The following ZNF521 variants were observed in gnomAD, a reference collection of about 807,000 sequenced individuals.
ZNF521 encodes the protein LYST-interacting protein 3.
Under a neutral mutation model 105.5 loss-of-function variants are expected in ZNF521, and 14 were observed. That is an observed-to-expected ratio of 0.13 (90% CI 0.09 to 0.21). ZNF521 has a LOEUF of 0.21. Among genes scored for constraint, ZNF521 ranks in the 10% least tolerant of loss-of-function variants. ZNF521 has a pLI of 1.00. For synonymous variants in ZNF521, 635 were observed against 606.0 expected, an observed-to-expected ratio of 1.05 and a Z score of -0.70; for missense variants, 1,233 against 1,629.7, an observed-to-expected ratio of 0.76 and a Z score of 4.19.
intron 5 of ZNF521, among the ~76,000 whole-genome samples, chr18:25,123,130 ACAAATGAC>A (rs2034474657): frequency 1.4e-5 from 2 of 145,294 alleles, no homozygotes; most frequent in Admixed American, 1.4e-4. Context: ...ATCTGTACTT[ACAAATGAC>A]TCATTATATG....
intron 3 of ZNF521, among the ~76,000 whole-genome samples, chr18:25,284,493 G>T (rs8094894): frequency 6.6e-6 from 1 of 152,076 alleles, no homozygotes; most frequent in Non-Finnish European, 1.5e-5. Flanking sequence ...CATCTCATCA[G>T]AAAGCAGCCA....
chr18:25,197,777 C>A (rs1349540296), intron 4 of ZNF521, among the ~76,000 whole-genome samples: 1 of 151,724 alleles, frequency 6.6e-6, no homozygotes, highest in Admixed American at 6.6e-5. Context: ...TTACATTAGC[C>A]CCTTTTCAGA....
intron 3 of ZNF521, among the ~76,000 whole-genome samples, chr18:25,276,230 C>A (rs973965426): frequency 6.6e-6 from 1 of 151,966 alleles, no homozygotes; most frequent in Non-Finnish European, 1.5e-5. Context: ...TCCCCCTCCA[C>A]CCACCCCAGA....
At chr18:25,200,255 G>A (rs138687848) in intron 4 of ZNF521, among the ~76,000 whole-genome samples, 5 of 152,100 alleles carry the variant, frequency 3.3e-5, no homozygotes, top group East Asian at 1.9e-4. Flanking sequence ...AGTAACTTAC[G>A]AGAGCGAAGG....
chr18:25,247,059 C>T (rs1236085431), intron 3 of ZNF521, among the ~76,000 whole-genome samples: 1 of 152,212 alleles, frequency 6.6e-6, no homozygotes, highest in Non-Finnish European at 1.5e-5. Flanking sequence ...TCTTCTGATG[C>T]AGTCATCAAT....
chr18:25,262,162 C>A lies in ZNF521; in HGVS notation c.221-34465G>T, dbSNP rs533639930. Among the ~76,000 whole-genome samples the A allele has an allele frequency of 1.5e-4, 23 of 152,204 alleles. 1 individual carries two copies. The highest frequency in any genetic ancestry group is 5.3e-4 in the African/African-American group (22 of 41,522). ...TATGTCATCTTTCTTTACACTCATA[C>A]CATGGGAGTCTTCCATGGCCCTCCC... On this transcript the variant is annotated intron_variant, in intron 3 of 7. Coordinates refer to ENST00000361524, the MANE Select transcript of ZNF521 (RefSeq NM_015461.3).
intron 5 of ZNF521, among the ~76,000 whole-genome samples, chr18:25,174,318 C>T (rs896380923): frequency 1.3e-5 from 2 of 152,066 alleles, no homozygotes; most frequent in African/African-American, 2.4e-5. Context: ...GATCTCTCCA[C>T]CCTGGTCAGG....
intron 4 of ZNF521, among the ~76,000 whole-genome samples, chr18:25,203,592 G>A (rs933272382): frequency 6.6e-6 from 1 of 152,130 alleles, no homozygotes; most frequent in Non-Finnish European, 1.5e-5. Context: ...ACTCCAGCCT[G>A]GGGGACAGAC....
At chr18:25,095,778 C>T (rs1412240937) in intron 5 of ZNF521, among the ~76,000 whole-genome samples, 1 of 152,090 alleles carries the variant, frequency 6.6e-6, no homozygotes, top group African/African-American at 2.4e-5. Flanking sequence ...CACGTATGTA[C>T]AAAAACAAAA....
intron 5 of ZNF521, among the ~76,000 whole-genome samples, chr18:25,124,147 G>T (rs953133837): frequency 3.9e-5 from 6 of 152,044 alleles, no homozygotes; most frequent in Non-Finnish European, 5.9e-5. Flanking sequence ...ATTTTCAACT[G>T]CAAGAGCGAG....
chr18:25,164,776 C>A (rs1417417065), intron 5 of ZNF521, among the ~76,000 whole-genome samples: 1 of 152,156 alleles, frequency 6.6e-6, no homozygotes, highest in Non-Finnish European at 1.5e-5. Flanking sequence ...ACTCAATTCA[C>A]TATTTATGCT....
intron 5 of ZNF521, among the ~76,000 whole-genome samples, chr18:25,166,255 A>G (rs1477429169): frequency 2.0e-5 from 3 of 152,220 alleles, no homozygotes; most frequent in Non-Finnish European, 4.4e-5. Flanking sequence ...ACCTGTTGCT[A>G]TATACTTCAT....
At chr18:25,181,807 GACCCTGCAGTC>G (rs2035635990) in intron 5 of ZNF521, among the ~76,000 whole-genome samples, 1 of 152,182 alleles carries the variant, frequency 6.6e-6, no homozygotes, top group Non-Finnish European at 1.5e-5. Flanking sequence ...AAGGAAGGCT[GACCCTGCAGTC>G]TTATTTACAC....
intron 5 of ZNF521, among the ~76,000 whole-genome samples, chr18:25,162,826 T>C (rs1204677240): frequency 6.6e-6 from 1 of 152,222 alleles, no homozygotes; most frequent in Non-Finnish European, 1.5e-5. Flanking sequence ...AATTTAAGCA[T>C]GATTTTTAAG....
chr18:25,095,526 T>C (rs1193400519), intron 5 of ZNF521, among the ~76,000 whole-genome samples: 2 of 152,178 alleles, frequency 1.3e-5, no homozygotes, highest in Admixed American at 6.5e-5. Context: ...AACTTCTAGA[T>C]TTTTCTTCTC....
At chr18:25,266,722 A>G (rs1909281988) in intron 3 of ZNF521, among the ~76,000 whole-genome samples, 1 of 152,126 alleles carries the variant, frequency 6.6e-6, no homozygotes, top group Non-Finnish European at 1.5e-5. Flanking sequence ...TCCGGCCCAG[A>G]TACTGCACTT....
In ZNF521 at chr18:25,226,679, T is replaced by C. The variant is rs765941844; in HGVS notation, c.1239A>G (p.Gln413=). 1.4e-5 allele frequency: 22 copies of C among 1,614,032 alleles called. No individual in the cohort carries two copies. The highest frequency in any genetic ancestry group is 1.6e-4 in the Middle Eastern group (1 of 6,084). Residue 413 remains glutamine (Q), a synonymous_variant, in exon 4 of 8, where the codon CAA becomes CAG. Coordinates refer to ENST00000361524, the MANE Select transcript of ZNF521 (RefSeq NM_015461.3). This position sits in a 1 kb window ranked among gnomAD's most constrained non-coding sequence, Gnocchi z 4.1. Reference sequence around the variant, plus strand: ...GCAGAACTGCAAGACTTGAAAATAATTGTTTGTTGCAGTAAATACAGCTGT... The same window carrying C: ...GCAGAACTGCAAGACTTGAAAATAACTGTTTGTTGCAGTAAATACAGCTGT... ...VTYSCIYCNK[Q]LFSSLAVLQI... is the part of the protein sequence containing the mutation.
chr18:25,214,840 G>A (rs1486473850), intron 4 of ZNF521, among the ~76,000 whole-genome samples: 1 of 152,138 alleles, frequency 6.6e-6, no homozygotes, highest in Non-Finnish European at 1.5e-5. Flanking sequence ...TGCAGGAGAT[G>A]CAGATAGAAG....
intron 3 of ZNF521, chr18:25,303,004 T>C (rs1911727781): frequency 6.6e-6 from 1 of 152,182 alleles, no homozygotes; most frequent in African/African-American, 2.4e-5. Context: ...ATATGGGACT[T>C]ATGGGAAGGT....
Sources: gnomAD v4.1 joint callset for allele counts (sites outside exome capture counted in the v4.1 genomes callset) on GRCh38, gnomAD v4.1.1 for gene constraint, Gnocchi (gnomAD v3.1) non-coding constraint, MANE v1.5 for transcripts, NCBI Gene and HGNC (gene_info 2026-07-23, HGNC 2026-07-21) for gene names.